The following BABAM2 variants were observed in gnomAD, a reference collection of about 807,000 sequenced individuals.
The protein encoded by BABAM2 is BRISC and BRCA1-A complex member 2.
Under a neutral mutation model 54.7 loss-of-function variants are expected in BABAM2, and 31 were observed. The observed-to-expected ratio is 0.57, with a 90% CI of 0.43 to 0.77. BABAM2 has a LOEUF of 0.77. Among genes scored for constraint, BABAM2 ranks in the 30% least tolerant of loss-of-function variants. The pLI is 0.00. For missense variants in BABAM2, 364 were observed against 455.8 expected (o/e 0.80, Z 1.83); for synonymous variants, 167 against 162.9 (o/e 1.03, Z -0.19).
upstream of BABAM2, among the ~76,000 whole-genome samples, chr2:27,889,402 G>A (rs1159877337): frequency 6.6e-6 from 1 of 152,168 alleles, no homozygotes; most frequent in Admixed American, 6.5e-5. Flanking sequence ...CATTACAACT[G>A]AAAAGATATT....
chr2:28,011,863 A>G (rs1166110598), intron 4 of BABAM2, among the ~76,000 whole-genome samples: 1 of 152,198 alleles, frequency 6.6e-6, no homozygotes, highest in Non-Finnish European at 1.5e-5. Flanking sequence ...GAGAATGGAT[A>G]GGAGTTCCCT....
At chr2:27,926,512 A>G (rs114909742) in intron 2 of BABAM2, among the ~76,000 whole-genome samples, 2,251 of 152,264 alleles carry the variant, frequency 0.015, 60 homozygotes, top group African/African-American at 0.051. Context: ...CACCTCCTCC[A>G]GAGGTCCTCT....
At chr2:27,990,286 C>T (rs962030669) in intron 4 of BABAM2, among the ~76,000 whole-genome samples, 2 of 152,152 alleles carry the variant, frequency 1.3e-5, no homozygotes, top group African/African-American at 4.8e-5. Flanking sequence ...ATTAAAACAC[C>T]AGACAGGTTA....
intron 5 of BABAM2, among the ~76,000 whole-genome samples, chr2:28,027,014 G>T (rs1484080304): frequency 2.7e-5 from 3 of 110,446 alleles, no homozygotes; most frequent in South Asian, 2.7e-4. Context: ...ATATATAAAA[G>T]AAACCCCAAA....
At chr2:28,011,215 G>A (rs1432477145) in intron 4 of BABAM2, among the ~76,000 whole-genome samples, 1 of 152,192 alleles carries the variant, frequency 6.6e-6, no homozygotes, top group Non-Finnish European at 1.5e-5. Flanking sequence ...TTTAGACCAA[G>A]GATATTATAT....
In BABAM2 at chr2:27,991,283, G is replaced by A. The variant is rs1381282388; in HGVS notation, c.300+3196G>A. On this transcript the variant is annotated intron_variant, in intron 4 of 11. Transcript: ENST00000379624. ...CTACTGATTGAATCCATCTTTTATA[G>A]TAATGTTTCCAACAGAAGGCTGTTT... Among the ~76,000 whole-genome samples the A allele has an allele frequency of 2.6e-5, 4 of 152,152 alleles. No homozygotes were observed. The East Asian group carries it at 7.7e-4, about 29-fold the overall frequency.
intron 4 of BABAM2, among the ~76,000 whole-genome samples, chr2:28,014,008 G>A (rs1249515496): frequency 6.6e-6 from 1 of 152,022 alleles, no homozygotes; most frequent in Non-Finnish European, 1.5e-5. Context: ...GATAATTTGT[G>A]GCTAAAGTCT....
At chr2:28,224,691 T>A (rs1046183457) in intron 7 of BABAM2, among the ~76,000 whole-genome samples, 1 of 152,074 alleles carries the variant, frequency 6.6e-6, no homozygotes, top group Non-Finnish European at 1.5e-5. Context: ...AGGCCTAGCC[T>A]AAGGTTAACA....
chr2:28,026,465 A>T (rs1675672145), intron 5 of BABAM2, among the ~76,000 whole-genome samples: 2 of 152,042 alleles, frequency 1.3e-5, no homozygotes, highest in South Asian at 4.2e-4. Context: ...CATGATTCTC[A>T]GCAAACTAAC....
At chr2:28,186,225 T>C (rs1288185159) in intron 7 of BABAM2, among the ~76,000 whole-genome samples, 1 of 152,214 alleles carries the variant, frequency 6.6e-6, no homozygotes, top group African/African-American at 2.4e-5. Flanking sequence ...CTAGTTATTA[T>C]GGGTAATACC....
intron 7 of BABAM2, among the ~76,000 whole-genome samples, chr2:28,142,891 G>T (rs951754875): frequency 3.3e-5 from 5 of 151,794 alleles, no homozygotes; most frequent in Non-Finnish European, 7.4e-5. Context: ...AGATTTTTGT[G>T]TTCATTCAAT....
At chr2:28,087,632 T>G (rs959702461) in intron 6 of BABAM2, among the ~76,000 whole-genome samples, 1 of 151,968 alleles carries the variant, frequency 6.6e-6, no homozygotes, top group Admixed American at 6.6e-5. Flanking sequence ...TATTTTACCT[T>G]TGGGGGCTTC....
At chr2:28,139,014 A>G (rs1412409099) in intron 7 of BABAM2, among the ~76,000 whole-genome samples, 2 of 152,148 alleles carry the variant, frequency 1.3e-5, no homozygotes, top group African/African-American at 4.8e-5. Flanking sequence ...CTCAGTGCCC[A>G]CCACACTCAC....
At chr2:28,120,583 G>A (rs72814457) in intron 6 of BABAM2, among the ~76,000 whole-genome samples, 6,062 of 152,246 alleles carry the variant, frequency 0.04, 147 homozygotes, top group South Asian at 0.12. Context: ...CAGTTGTTAC[G>A]AAGATTAGAG....
intron 5 of BABAM2, among the ~76,000 whole-genome samples, chr2:28,030,727 A>G (rs1422015644): frequency 6.6e-6 from 1 of 152,176 alleles, no homozygotes; most frequent in Admixed American, 6.5e-5. Flanking sequence ...TTAGTTTCCT[A>G]TTGCTGCTGT....
At chr2:28,045,597 TA>T in intron 5 of BABAM2, 127 bp from the exon 6 acceptor site, 1 of 617,972 alleles carries the variant, frequency 1.6e-6, no homozygotes, top group Non-Finnish European at 2.6e-6. Flanking sequence ...TTTTCTTGCC[TA>T]ACGTTAGGAA....
intron 5 of BABAM2, among the ~76,000 whole-genome samples, chr2:28,043,558 C>T (rs1389684868): frequency 6.6e-6 from 1 of 152,130 alleles, no homozygotes; most frequent in Non-Finnish European, 1.5e-5. Flanking sequence ...TTATAAGCTC[C>T]CATTTAACTC....
intron 3 of BABAM2, chr2:27,930,230 A>AT: frequency 5.0e-6 from 1 of 200,764 alleles, no homozygotes; most frequent in Non-Finnish European, 1.0e-5. Flanking sequence ...ATACCTGGCC[A>AT]TTTCGAAACA....
chr2:27,978,723 A>G (rs1162771191), intron 3 of BABAM2, among the ~76,000 whole-genome samples: 2 of 152,222 alleles, frequency 1.3e-5, no homozygotes, highest in African/African-American at 4.8e-5. Context: ...TTTGGTGTAC[A>G]AAAGATTTAG....
Sources: allele counts gnomAD v4.1 joint callset (sites outside exome capture counted in the v4.1 genomes callset), GRCh38; gene constraint gnomAD v4.1.1; transcripts MANE v1.5; gene names NCBI Gene and HGNC (gene_info 2026-07-23, HGNC 2026-07-21).